The following ABHD17C variants were observed in gnomAD, a reference collection of about 807,000 sequenced individuals.
The protein encoded by ABHD17C is alpha/beta hydrolase domain-containing protein 17C.
In ABHD17C, 11 loss-of-function variants were observed where a neutral mutation model predicts 27.9. That is an observed-to-expected ratio of 0.39 (90% CI 0.25 to 0.65). The LOEUF (loss-of-function observed/expected upper bound fraction) is 0.65. Among genes scored for constraint, ABHD17C ranks in the 30% least tolerant of loss-of-function variants. ABHD17C has a pLI of 0.45. For missense variants in ABHD17C, 280 were observed against 470.2 expected (o/e 0.60, Z 3.74); for synonymous variants, 233 against 209.1 (o/e 1.11, Z -0.98).
chr15:80,749,131 T>C (rs1189682039), intron 1 of ABHD17C, among the ~76,000 whole-genome samples: 3 of 152,240 alleles, frequency 2.0e-5, no homozygotes, highest in African/African-American at 4.8e-5. Flanking sequence ...AAACTTGCTT[T>C]TGTTTTTACT....
At chr15:80,710,768 G>T (rs924431562) in intron 1 of ABHD17C, among the ~76,000 whole-genome samples, 1 of 151,912 alleles carries the variant, frequency 6.6e-6, no homozygotes, top group African/African-American at 2.4e-5. Context: ...TGGAGATGGG[G>T]TCTCACTATG....
intron 1 of ABHD17C, among the ~76,000 whole-genome samples, chr15:80,748,167 A>G (rs1180379585): frequency 6.6e-6 from 1 of 152,110 alleles, no homozygotes; most frequent in Non-Finnish European, 1.5e-5. Flanking sequence ...TCTTCCATGG[A>G]GTTTCGTGGA....
chr15:80,700,556 A>G (rs1367709398), intron 1 of ABHD17C, among the ~76,000 whole-genome samples: 1 of 152,210 alleles, frequency 6.6e-6, no homozygotes, highest in Non-Finnish European at 1.5e-5. Context: ...CAAAAGGCAA[A>G]TTACAAAAGA....
intron 1 of ABHD17C, among the ~76,000 whole-genome samples, chr15:80,737,439 T>G (rs547771824): frequency 1.3e-5 from 2 of 152,332 alleles, no homozygotes; most frequent in Non-Finnish European, 2.9e-5. Flanking sequence ...TAATTTTAAT[T>G]TGTTCAAAAA....
chr15:80,715,003 G>A lies in ABHD17C; in HGVS notation c.590+18984G>A, dbSNP rs145238470. Among the ~76,000 whole-genome samples the A allele has an allele frequency of 1.7e-4, 26 of 152,246 alleles. 1 individual carries two copies. The highest frequency in any genetic ancestry group is 6.8e-3 in the Middle Eastern group (2 of 294). On this transcript the variant is annotated intron_variant, in intron 1 of 2. Transcript: ENST00000258884. ...ACACAGCGTTAGCCAGGATGGTCTC[G>A]ATCTCCTGACCTCGTGATCCGCCCA...
At chr15:80,753,753 A>G (rs1489053171) in intron 2 of ABHD17C, among the ~76,000 whole-genome samples, 3 of 152,318 alleles carry the variant, frequency 2.0e-5, no homozygotes, top group East Asian at 3.9e-4. Context: ...TGCAAATTCA[A>G]AATTATTCTA....
intron 1 of ABHD17C, among the ~76,000 whole-genome samples, chr15:80,743,841 A>G (rs903953164): frequency 3.9e-5 from 6 of 152,192 alleles, no homozygotes; most frequent in Non-Finnish European, 7.4e-5. Flanking sequence ...AGAAAGTGCT[A>G]GGATTACAGG....
chr15:80,723,599 T>C (rs891143230), intron 1 of ABHD17C, among the ~76,000 whole-genome samples: 2 of 152,246 alleles, frequency 1.3e-5, no homozygotes, highest in African/African-American at 4.8e-5. Context: ...TAGTACACAC[T>C]AAATGACTCT....
intron 1 of ABHD17C, among the ~76,000 whole-genome samples, chr15:80,721,581 C>G (rs1182663486): frequency 1.3e-5 from 2 of 152,120 alleles, no homozygotes; most frequent in African/African-American, 2.4e-5. Flanking sequence ...GCAAATGTGC[C>G]GTAAATGCTA....
chr15:80,754,383 G>A lies in ABHD17C; in HGVS notation c.*13G>A. The A allele has an allele frequency of 1.3e-6, 2 of 1,599,712 alleles. No individual in the cohort carries two copies. Among genetic ancestry groups the A allele is most frequent in the South Asian group, 2.2e-5 (2 of 89,774 alleles). Reference sequence around the variant, plus strand: ...TCCTAATTCCTGAAGACAACAACTTGATCTTACCTCATTTACTGTGAACAG... The same window carrying A: ...TCCTAATTCCTGAAGACAACAACTTAATCTTACCTCATTTACTGTGAACAG... On this transcript the variant is annotated 3_prime_UTR_variant, in exon 3 of 3. Transcript: ENST00000258884.
chr15:80,737,959 A>G (rs1895156417), intron 1 of ABHD17C, among the ~76,000 whole-genome samples: 2 of 152,144 alleles, frequency 1.3e-5, no homozygotes, highest in Admixed American at 1.3e-4. Flanking sequence ...GCATAAAAAA[A>G]GTTTGTTTTT....
intron 2 of ABHD17C, among the ~76,000 whole-genome samples, chr15:80,752,439 G>A (rs929809579): frequency 1.3e-5 from 2 of 152,072 alleles, no homozygotes; most frequent in Admixed American, 6.6e-5. Flanking sequence ...TGTAATTGAT[G>A]TTAGAGCTCT....
chr15:80,711,259 A>T (rs984765744), intron 1 of ABHD17C, among the ~76,000 whole-genome samples: 2 of 152,166 alleles, frequency 1.3e-5, no homozygotes, highest in African/African-American at 4.8e-5. Context: ...GGATGCTCGC[A>T]TGAATCACTG....
At chr15:80,711,412 G>T (rs1894727142) in intron 1 of ABHD17C, among the ~76,000 whole-genome samples, 1 of 152,222 alleles carries the variant, frequency 6.6e-6, no homozygotes, top group Non-Finnish European at 1.5e-5. Flanking sequence ...CAGAAGAGCA[G>T]CAGGACAGCT....
At chr15:80,727,178 T>C (rs1165715421) in intron 1 of ABHD17C, among the ~76,000 whole-genome samples, 1 of 152,234 alleles carries the variant, frequency 6.6e-6, no homozygotes, top group East Asian at 1.9e-4. Flanking sequence ...TCCGTGCCCT[T>C]GAACAGCTGA....
At chr15:80,696,082 TG>T in intron 1 of ABHD17C, 63 bp downstream of exon 1, 1 of 1,439,156 alleles carries the variant, frequency 6.9e-7, no homozygotes, top group Non-Finnish European at 9.3e-7. Flanking sequence ...GGGGGTCTCT[TG>T]GGGCCCCTGG....
At chr15:80,724,458 G>T (rs938183530) in intron 1 of ABHD17C, among the ~76,000 whole-genome samples, 3 of 152,124 alleles carry the variant, frequency 2.0e-5, no homozygotes, top group Non-Finnish European at 4.4e-5. Context: ...ACTCAGGGTC[G>T]TCACTGTGGA....
intron 1 of ABHD17C, chr15:80,703,023 G>A (rs560833233): frequency 6.6e-6 from 1 of 152,312 alleles, no homozygotes; most frequent in Non-Finnish European, 1.5e-5. Context: ...AAAGAAAGAG[G>A]TTTCTTTCCC....
At chr15:80,708,694 A>G (rs1435879006) in intron 1 of ABHD17C, among the ~76,000 whole-genome samples, 1 of 152,212 alleles carries the variant, frequency 6.6e-6, no homozygotes, top group Non-Finnish European at 1.5e-5. Context: ...CCTTCCTATC[A>G]GGCACCTGGA....
Sources: gnomAD v4.1 joint callset for allele counts (sites outside exome capture counted in the v4.1 genomes callset) on GRCh38, gnomAD v4.1.1 for gene constraint, MANE v1.5 for transcripts, NCBI Gene and HGNC (gene_info 2026-07-23, HGNC 2026-07-21) for gene names.